The following TMPRSS13 variants were observed in gnomAD, a reference collection of about 807,000 sequenced individuals.
TMPRSS13 encodes transmembrane protease serine 13.
A neutral mutation model predicts 68.4 loss-of-function variants in TMPRSS13; 50 were observed. The observed-to-expected ratio is 0.73, with a 90% CI of 0.58 to 0.93. The LOEUF (loss-of-function observed/expected upper bound fraction) is 0.93. Ranked by LOEUF, TMPRSS13 falls within the 40% of genes least tolerant of loss-of-function variation. TMPRSS13 has a pLI of 0.00. For missense variants in TMPRSS13, 615 were observed against 729.2 expected (o/e 0.84, Z 1.80); for synonymous variants, 267 against 285.8 (o/e 0.93, Z 0.66).
Position 117,915,323 on chromosome 11 carries a change from C to T in TMPRSS13, c.557-809G>A, listed in dbSNP as rs1483354847. Among the ~76,000 whole-genome samples the T allele has an allele frequency of 5.9e-5, 9 of 152,180 alleles. 1 individual carries two copies. The highest frequency in any genetic ancestry group is 1.2e-4 in the Non-Finnish European group (8 of 68,020). ...CCCGGGTTCTAACTTCTCACCCTGC[C>T]GCTCCTCCTCCACCAGCTCCTCAGC... On this transcript the variant is annotated intron_variant, in intron 3 of 12. Transcript: ENST00000524993. This position sits in a 1 kb window ranked among gnomAD's most constrained non-coding sequence, Gnocchi z 4.9.
intron 1 of TMPRSS13, among the ~76,000 whole-genome samples, chr11:117,927,135 C>T (rs1341128316): frequency 6.6e-6 from 1 of 151,240 alleles, no homozygotes; most frequent in Non-Finnish European, 1.5e-5. Context: ...ACTGTTCAAA[C>T]AGTGTTCAAA....
intron 9 of TMPRSS13, 124 bp downstream of exon 9, chr11:117,908,488 T>C (rs1443254038): frequency 1.9e-6 from 2 of 1,048,936 alleles, no homozygotes; most frequent in South Asian, 2.7e-5. Flanking sequence ...TTTAAGAGTC[T>C]TTGACTTCTG....
At chr11:117,923,936 G>C (rs949801985) in intron 1 of TMPRSS13, among the ~76,000 whole-genome samples, 1 of 151,494 alleles carries the variant, frequency 6.6e-6, no homozygotes, top group Non-Finnish European at 1.5e-5. Context: ...ATCAGGGCCC[G>C]TTTCAGTCCA....
chr11:117,920,774 C>G (rs111238013), intron 1 of TMPRSS13, among the ~76,000 whole-genome samples: 1,769 of 152,276 alleles, frequency 0.012, 41 homozygotes, highest in African/African-American at 0.04. Context: ...CAGGCGTGAG[C>G]CACCAGACCA....
chr11:117,911,959 C>T lies in TMPRSS13; in HGVS notation c.810-99G>A. On this transcript the variant is annotated intron_variant, in intron 5 of 12. Coordinates refer to ENST00000524993, the MANE Select transcript of TMPRSS13 (RefSeq NM_001077263.3). Reference sequence around the variant, plus strand: ...GCCCCACCAGCCCTGCCGACAGAGGCCAGACTGTGATGGTCTGAATGGTGG... The same window carrying T: ...GCCCCACCAGCCCTGCCGACAGAGGTCAGACTGTGATGGTCTGAATGGTGG... The T allele has an allele frequency of 5.3e-6, 5 of 942,146 alleles. 1 individual carries two copies. The South Asian group carries it at 7.2e-5, about 14-fold the overall frequency. The allele number at this position is 942,146 out of a possible 1,614,324, so 58.4% of individuals were successfully genotyped here.
At chr11:117,910,601 C>A in intron 7 of TMPRSS13, 106 bp downstream of exon 7, 1 of 1,159,864 alleles carries the variant, frequency 8.6e-7, no homozygotes, top group Non-Finnish European at 1.2e-6. Flanking sequence ...AGACACTGTT[C>A]CTGACTTGAA....
intron 9 of TMPRSS13, among the ~76,000 whole-genome samples, chr11:117,906,629 C>T (rs2057467041): frequency 6.6e-6 from 1 of 152,184 alleles, no homozygotes; most frequent in South Asian, 2.1e-4. Context: ...AGGCTTTAAA[C>T]ATTGGTGTCT....
chr11:117,919,653 T>G (rs564570848), intron 1 of TMPRSS13, among the ~76,000 whole-genome samples: 1 of 152,374 alleles, frequency 6.6e-6, no homozygotes, highest in Admixed American at 6.5e-5. Context: ...TAATCACTCG[T>G]GTGTGTACTG....
At chr11:117,919,389 C>T (rs1409725353) in intron 1 of TMPRSS13, among the ~76,000 whole-genome samples, 1 of 152,246 alleles carries the variant, frequency 6.6e-6, no homozygotes, top group Non-Finnish European at 1.5e-5. Flanking sequence ...GGGCTGAGTG[C>T]CATTGTGAGC....
chr11:117,918,318 T>G, intron 2 of TMPRSS13, 91 bp downstream of exon 2: 8 of 1,398,610 alleles, frequency 5.7e-6, no homozygotes, highest in Non-Finnish European at 7.8e-6. Flanking sequence ...CGTTGTCTGC[T>G]ATGAGAGCAG....
chr11:117,923,158 A>G (rs2057664217), intron 1 of TMPRSS13, among the ~76,000 whole-genome samples: 1 of 152,122 alleles, frequency 6.6e-6, no homozygotes. Flanking sequence ...GGCCCAAAAC[A>G]TTTGTGTGCT....
intron 12 of TMPRSS13, 40 bp downstream of exon 12, chr11:117,903,615 C>T (rs1237918838): frequency 6.2e-7 from 1 of 1,613,566 alleles, no homozygotes; most frequent in Non-Finnish European, 8.5e-7. Flanking sequence ...GAGGAAGTTC[C>T]CAGCCTGCTG....
intron 2 of TMPRSS13, among the ~76,000 whole-genome samples, chr11:117,917,813 G>C (rs1213488611): frequency 6.6e-6 from 1 of 152,212 alleles, no homozygotes; most frequent in East Asian, 1.9e-4. Flanking sequence ...GGTGGGGACA[G>C]TCTGAATTCT....
chr11:117,909,879 C>A lies in TMPRSS13; in HGVS notation c.1036G>T (p.Gly346Cys), dbSNP rs185064313. ...KWPWQVSLHF[G>C]TTHICGGTLI... is the part of the protein sequence containing the mutation. ...GTGCCTCCACAGATGTGGGTGGTGC[C>A]GAAGTGCAGACTCACTTGCCAAGGC... The change falls in exon 8 of 13, where the codon GGC becomes TGC. Residue 346 changes from glycine (G) to cysteine (C), a missense_variant. By Grantham distance (159) the Gly-to-Cys change is radical (BLOSUM62 -3). Transcript: ENST00000524993. 6.2e-7 allele frequency: 1 copy of A among 1,614,104 alleles called. No individual in the cohort carries two copies. The highest frequency in any genetic ancestry group is 1.3e-5 in the African/African-American group (1 of 75,060).
intron 8 of TMPRSS13, 73 bp from the exon 9 acceptor site, chr11:117,908,857 G>T: frequency 7.0e-7 from 1 of 1,433,972 alleles, no homozygotes; most frequent in South Asian, 1.4e-5. Flanking sequence ...GCTACCTACA[G>T]GGAGCCACAG....
At chr11:117,906,418 C>G (rs2057465650) in intron 9 of TMPRSS13, among the ~76,000 whole-genome samples, 1 of 152,210 alleles carries the variant, frequency 6.6e-6, no homozygotes, top group South Asian at 2.1e-4. Flanking sequence ...ACCAACACAT[C>G]TGAGTTTGCA....
Position 117,915,273 on chromosome 11 carries a change from C to T in TMPRSS13, c.557-759G>A, listed in dbSNP as rs998772046. On this transcript the variant is annotated intron_variant, in intron 3 of 12. Transcript: ENST00000524993. The surrounding 1 kb of genome is among the most constrained non-coding windows in gnomAD (Gnocchi z 4.9). ...GGCTGTGGGCCCTCCTGCCTGGAGGCACCTCCCCTTGGCTGCCTCACAGAC... is the reference window on the plus strand; with the variant it reads ...GGCTGTGGGCCCTCCTGCCTGGAGGTACCTCCCCTTGGCTGCCTCACAGAC... Among the ~76,000 whole-genome samples, 2 of 152,214 alleles carry T rather than the reference C, an allele frequency of 1.3e-5. No individual in the cohort carries two copies. The highest frequency in any genetic ancestry group is 2.9e-5 in the Non-Finnish European group (2 of 68,042).
At chr11:117,924,208 T>TGAAAAGAA (rs2057678918) in intron 1 of TMPRSS13, among the ~76,000 whole-genome samples, 1 of 8,488 alleles carries the variant, frequency 1.2e-4, no homozygotes, top group African/African-American at 1.8e-4. Context: ...AAAGAAAACC[T>TGAAAAGAA]ACCCAAGCCC....
chr11:117,910,510 G>A (rs2057511802), intron 7 of TMPRSS13, 197 bp downstream of exon 7: 1 of 537,028 alleles, frequency 1.9e-6, no homozygotes, highest in Admixed American at 3.2e-5. Context: ...GCCCCTACCA[G>A]AGTCAGGAGA....
Sources: gnomAD v4.1 joint callset for allele counts (sites outside exome capture counted in the v4.1 genomes callset) on GRCh38, gnomAD v4.1.1 for gene constraint, Gnocchi (gnomAD v3.1) non-coding constraint, MANE v1.5 for transcripts, NCBI Gene and HGNC (gene_info 2026-07-23, HGNC 2026-07-21) for gene names.